CHPT1: variants seen among roughly 807,000 people sequenced by gnomAD.
CHPT1 encodes the protein cholinephosphotransferase 1.
Under a neutral mutation model 47.6 loss-of-function variants are expected in CHPT1, and 36 were observed. That is an observed-to-expected ratio of 0.76 (90% CI 0.58 to 1.00). CHPT1 has a LOEUF of 1.00. CHPT1 is among the 50% of genes least tolerant of loss of function. CHPT1 has a pLI of 0.00. For missense variants in CHPT1, 458 were observed against 498.1 expected, an observed-to-expected ratio of 0.92 and a Z score of 0.77; for synonymous variants, 194 against 186.3, an observed-to-expected ratio of 1.04 and a Z score of -0.33.
intron 1 of CHPT1, among the ~76,000 whole-genome samples, chr12:101,705,386 T>G (rs1236064317): frequency 2.6e-5 from 2 of 77,702 alleles, no homozygotes; most frequent in Non-Finnish European, 4.6e-5. Context: ...TACATTAAAT[T>G]TTTTCAAAAT....
intron 1 of CHPT1, 36 bp downstream of exon 1, chr12:101,698,170 T>C (rs1455213626): frequency 2.1e-6 from 3 of 1,398,250 alleles, no homozygotes; most frequent in Non-Finnish European, 2.8e-6. Flanking sequence ...GGGCCCCAGA[T>C]GCGCTGCGGG....
At position 101,716,750 on chromosome 12, in the gene CHPT1, A is replaced by G; in HGVS notation, c.586A>G (p.Ile196Val). Residue 196 changes from isoleucine to valine, a missense_variant, in exon 4 of 9, where the codon ATA (isoleucine) becomes GTA (valine). Coordinates refer to ENST00000229266, the MANE Select transcript of CHPT1 (RefSeq NM_020244.3). ...TAGAGTGGATGTAACTGAAATTCAG[A>G]TAGCTTTAGTGATTGTCTTTGTGTT... ...FGKVDVTEIQIALVIVFVLSA... is the reference protein window; with the variant it reads ...FGKVDVTEIQVALVIVFVLSA... 1 of 1,607,040 alleles carries G rather than the reference A, an allele frequency of 6.2e-7. No individual in the cohort carries two copies. Among genetic ancestry groups the G allele is most frequent in the Non-Finnish European group, 8.5e-7 (1 of 1,176,950 alleles).
intron 1 of CHPT1, among the ~76,000 whole-genome samples, chr12:101,701,242 C>T (rs1448310267): frequency 2.0e-5 from 3 of 152,132 alleles, no homozygotes; most frequent in Non-Finnish European, 4.4e-5. Flanking sequence ...CTCTTTTCCC[C>T]TTCCTCTTCC....
chr12:101,720,065 A>G lies in CHPT1; in HGVS notation c.649-58A>G. 4 of 1,250,482 alleles carry G rather than the reference A, an allele frequency of 3.2e-6. No homozygotes were observed. The South Asian group carries it at 6.0e-5, about 19-fold the overall frequency. 77.5% of individuals were successfully genotyped at this position (1,250,482 alleles called of 1,614,324 possible). A position where few individuals can be genotyped will look rare whatever the true frequency, so the allele number is the denominator to read the frequency against. On this transcript the variant is annotated intron_variant, in intron 4 of 8. Coordinates refer to ENST00000229266, the MANE Select transcript of CHPT1 (RefSeq NM_020244.3). Reference sequence around the variant, plus strand: ...GGGCTTATCATTATGTTTCTTTATTATTTAATAAAAAACCAAAATTCTGTT... The same window carrying G: ...GGGCTTATCATTATGTTTCTTTATTGTTTAATAAAAAACCAAAATTCTGTT...
chr12:101,723,128 G>T (rs1368806466), intron 5 of CHPT1, 40 bp from the exon 6 acceptor site: 1 of 1,555,052 alleles, frequency 6.4e-7, no homozygotes, highest in Non-Finnish European at 8.8e-7. Flanking sequence ...AATAAATGCA[G>T]TGTTAAAATG....
Position 101,714,072 on chromosome 12 carries a change from T to G in CHPT1, c.274-18T>G. 1 of 1,555,532 alleles carries G rather than the reference T, an allele frequency of 6.4e-7. No homozygotes were observed. The highest frequency in any genetic ancestry group is 8.8e-7 in the Non-Finnish European group (1 of 1,140,314). On this transcript the variant is annotated intron_variant, in intron 1 of 8. Coordinates refer to ENST00000229266, the MANE Select transcript of CHPT1 (RefSeq NM_020244.3). ...TATTATCACTTAACAATCTTTATTTTATTTACATTTTTTATAGGCACCATA... is the reference window on the plus strand; with the variant it reads ...TATTATCACTTAACAATCTTTATTTGATTTACATTTTTTATAGGCACCATA...
chr12:101,713,727 T>C (rs1951726261), intron 1 of CHPT1, among the ~76,000 whole-genome samples: 1 of 149,938 alleles, frequency 6.7e-6, no homozygotes, highest in Non-Finnish European at 1.5e-5. Context: ...GAAGCAGAGG[T>C]TGGCAGTTGG....
Position 101,720,229 on chromosome 12 carries a change from T to G in CHPT1, c.755T>G (p.Val252Gly), listed in dbSNP as rs1048688009. ...NYFHVILHGG[V>G]GKNGSTIAGT... Reference sequence around the variant, plus strand: ...TTCCATGTTATCCTCCATGGTGGTGTTGGCAAGAATGGATCCACTATAGCA... The same window carrying G: ...TTCCATGTTATCCTCCATGGTGGTGGTGGCAAGAATGGATCCACTATAGCA... Residue 252 changes from valine (V) to glycine (G), a missense_variant, in exon 5 of 9, where the codon GTT (valine) becomes GGT (glycine). Transcript: ENST00000229266. The G allele has an allele frequency of 1.6e-5, 26 of 1,605,422 alleles. No homozygotes were observed. The highest frequency in any genetic ancestry group is 2.0e-5 in the Non-Finnish European group (24 of 1,176,476).
chr12:101,721,148 G>A (rs1951844633), intron 5 of CHPT1, among the ~76,000 whole-genome samples: 1 of 152,116 alleles, frequency 6.6e-6, no homozygotes, highest in Admixed American at 6.5e-5. Context: ...GCTGGGCATG[G>A]TGGCCATGCT....
intron 1 of CHPT1, among the ~76,000 whole-genome samples, chr12:101,706,743 A>C (rs1434035699): frequency 6.6e-6 from 1 of 152,220 alleles, no homozygotes; most frequent in East Asian, 1.9e-4. Context: ...ATTTGAAAAA[A>C]TGGGAGGCTA....
intron 1 of CHPT1, among the ~76,000 whole-genome samples, chr12:101,701,889 G>C (rs1251062229): frequency 6.6e-6 from 1 of 152,158 alleles, no homozygotes; most frequent in Non-Finnish European, 1.5e-5. Context: ...AGTTTTAGCT[G>C]TTCTTGGGTT....
chr12:101,726,559 G>A (rs1274016508), intron 8 of CHPT1, 155 bp downstream of exon 8: 7 of 1,143,626 alleles, frequency 6.1e-6, no homozygotes, highest in African/African-American at 3.1e-5. Context: ...AGATTTCATT[G>A]TGTCTTATTT....
chr12:101,707,348 T>G (rs1951647986), intron 1 of CHPT1, among the ~76,000 whole-genome samples: 1 of 152,162 alleles, frequency 6.6e-6, no homozygotes, highest in African/African-American at 2.4e-5. Flanking sequence ...GCAAAGAGAC[T>G]CTTATCAGTG....
intron 6 of CHPT1, 38 bp downstream of exon 6, chr12:101,723,364 C>T: frequency 8.2e-7 from 1 of 1,214,210 alleles, no homozygotes; most frequent in Non-Finnish European, 1.2e-6. Context: ...AAATAATATA[C>T]TTAGTCGTCA....
intron 3 of CHPT1, among the ~76,000 whole-genome samples, chr12:101,716,015 A>G (rs902768462): frequency 6.6e-5 from 10 of 152,190 alleles, no homozygotes; most frequent in Non-Finnish European, 1.5e-5. Context: ...AAACAATTTT[A>G]GTAGAATAAT....
rs149217456 is a variant in CHPT1 at position 101,713,157 on chromosome 12, C to G, written c.274-933C>G. 1.5e-3 allele frequency among the ~76,000 whole-genome samples: 223 copies of G among 148,648 alleles called. 12 individuals carry two copies. Among genetic ancestry groups the G allele is most frequent in the African/African-American group, 5.1e-3 (212 of 41,180 alleles). ...TGGTAAGGCAGTACACTTCTGAGAA[C>G]TTTACCCAATGCCCCAAGTATTAAT... On this transcript the variant is annotated intron_variant, in intron 1 of 8. Transcript: ENST00000229266.
chr12:101,712,320 C>A (rs1248846948), intron 1 of CHPT1, among the ~76,000 whole-genome samples: 1 of 148,670 alleles, frequency 6.7e-6, no homozygotes, highest in Non-Finnish European at 1.5e-5. Flanking sequence ...CGAACCTGGA[C>A]TGTGATTTTC....
At chr12:101,704,087 T>C (rs1010092904) in intron 1 of CHPT1, among the ~76,000 whole-genome samples, 2 of 152,204 alleles carry the variant, frequency 1.3e-5, no homozygotes, top group Non-Finnish European at 2.9e-5. Flanking sequence ...AATTGAAATC[T>C]TCTTGTTACC....
At chr12:101,723,650 A>G in intron 6 of CHPT1, 72 bp from the exon 7 acceptor site, 1 of 945,870 alleles carries the variant, frequency 1.1e-6, no homozygotes, top group Non-Finnish European at 1.5e-6. Context: ...TTAAAGTTAT[A>G]ATTAATTCTG....
Sources: allele counts gnomAD v4.1 joint callset (sites outside exome capture counted in the v4.1 genomes callset), GRCh38; gene constraint gnomAD v4.1.1; transcripts MANE v1.5; gene names NCBI Gene and HGNC (gene_info 2026-07-23, HGNC 2026-07-21).